TANGO6: variants seen among roughly 807,000 people sequenced by gnomAD.
TANGO6 encodes the protein transport and Golgi organization protein 6 homolog.
In TANGO6, 90 loss-of-function variants were observed where a neutral mutation model predicts 114.2. The observed-to-expected ratio is 0.79, with a 90% CI of 0.66 to 0.94. TANGO6 has a LOEUF of 0.94. Ranked by LOEUF, TANGO6 falls within the 40% of genes least tolerant of loss-of-function variation. The pLI, the probability that TANGO6 is intolerant of heterozygous loss-of-function variation, is 0.00. For synonymous variants in TANGO6, 477 were observed against 509.8 expected (o/e 0.94, Z 0.87); for missense variants, 1,274 against 1,315.3 (o/e 0.97, Z 0.49).
At chr16:69,080,325 C>T (rs1327515083) in intron 17 of TANGO6, among the ~76,000 whole-genome samples, 1 of 151,948 alleles carries the variant, frequency 6.6e-6, no homozygotes, top group Admixed American at 6.6e-5. Flanking sequence ...TGCCTGTAAT[C>T]CCTACCTCTG....
At chr16:68,923,800 A>ATTTGTTTTGTTTTGT (rs145246572) in intron 12 of TANGO6, among the ~76,000 whole-genome samples, 9 of 150,954 alleles carry the variant, frequency 6.0e-5, no homozygotes, top group East Asian at 2.0e-4. Flanking sequence ...AGGAGGCATG[A>ATTTGTTTTGTTTTGT]TTTGTTTTGT....
At chr16:69,053,399 G>A (rs1216878754) in intron 17 of TANGO6, among the ~76,000 whole-genome samples, 1 of 152,062 alleles carries the variant, frequency 6.6e-6, no homozygotes, top group African/African-American at 2.4e-5. Context: ...TTTCTCTAAA[G>A]TTAATAAATG....
chr16:69,059,352 G>A (rs935388010), intron 17 of TANGO6, among the ~76,000 whole-genome samples: 3 of 151,712 alleles, frequency 2.0e-5, no homozygotes, highest in South Asian at 2.1e-4. Context: ...GACTACAGGC[G>A]TGAGCCACCA....
chr16:68,967,893 C>T (rs1963661532), intron 14 of TANGO6, among the ~76,000 whole-genome samples: 1 of 152,052 alleles, frequency 6.6e-6, no homozygotes, highest in Non-Finnish European at 1.5e-5. Context: ...GTACACGACA[C>T]CCAAACTCCT....
chr16:69,008,885 T>G (rs1301110041), intron 15 of TANGO6, among the ~76,000 whole-genome samples: 1 of 151,702 alleles, frequency 6.6e-6, no homozygotes, highest in Non-Finnish European at 1.5e-5. Flanking sequence ...TCAGGTGACC[T>G]GCCCATCTCA....
At chr16:68,874,935 A>G (rs939047078) in intron 4 of TANGO6, among the ~76,000 whole-genome samples, 6 of 152,136 alleles carry the variant, frequency 3.9e-5, no homozygotes, top group African/African-American at 1.4e-4. Context: ...GGGTGACAGA[A>G]CAAGACTCCG....
chr16:69,043,019 G>A (rs1959796802), intron 17 of TANGO6, among the ~76,000 whole-genome samples: 1 of 152,146 alleles, frequency 6.6e-6, no homozygotes. Context: ...GAGCCCAAGA[G>A]TTCGAGAGAA....
chr16:68,993,149 T>G (rs1963960533), intron 15 of TANGO6, among the ~76,000 whole-genome samples: 1 of 152,180 alleles, frequency 6.6e-6, no homozygotes, highest in Admixed American at 6.5e-5. Context: ...ATATTGCAGT[T>G]CTTTTCTAAA....
intron 16 of TANGO6, among the ~76,000 whole-genome samples, chr16:69,024,863 G>A (rs867793057): frequency 2.6e-5 from 4 of 151,972 alleles, no homozygotes; most frequent in Non-Finnish European, 4.4e-5. Flanking sequence ...GCTGGAGTGC[G>A]GTGGTGCAGT....
intron 17 of TANGO6, among the ~76,000 whole-genome samples, chr16:69,075,165 CA>C (rs1960355664): frequency 6.6e-6 from 1 of 150,466 alleles, no homozygotes. Context: ...TTTTTCCTTC[CA>C]AAGTCTGCTT....
intron 15 of TANGO6, among the ~76,000 whole-genome samples, chr16:69,012,851 C>T (rs552540682): frequency 1.3e-5 from 2 of 152,156 alleles, no homozygotes; most frequent in African/African-American, 2.4e-5. Flanking sequence ...CGGAGCCTTA[C>T]GGTTCAAATA....
At chr16:68,908,968 T>C (rs561407247) in intron 10 of TANGO6, among the ~76,000 whole-genome samples, 5 of 152,364 alleles carry the variant, frequency 3.3e-5, no homozygotes, top group Admixed American at 1.3e-4. Context: ...TCTATCTATA[T>C]TGATACCCAT....
At chr16:69,027,647 T>C (rs1346509199) in intron 16 of TANGO6, among the ~76,000 whole-genome samples, 2 of 152,190 alleles carry the variant, frequency 1.3e-5, no homozygotes, top group African/African-American at 4.8e-5. Flanking sequence ...GTGTAACTTT[T>C]CTGGGTCAGA....
rs181489633 is a variant in TANGO6 at position 68,900,271 on chromosome 16, A to G, written c.1378-163A>G. On this transcript the variant is annotated intron_variant, in intron 7 of 17. Coordinates refer to ENST00000261778, the MANE Select transcript of TANGO6 (RefSeq NM_024562.2). ...GTTTCAGCCTGTCTGCCAAACTCAAATTGTTTCATTGCCATATCTGAGCAC... is the reference window on the plus strand; with the variant it reads ...GTTTCAGCCTGTCTGCCAAACTCAAGTTGTTTCATTGCCATATCTGAGCAC... The G allele has an allele frequency of 6.8e-3, 4,150 of 606,206 alleles. 25 individuals are homozygous for G. The highest frequency in any genetic ancestry group is 9.8e-3 in the Non-Finnish European group (3,349 of 340,330). 37.6% of individuals were successfully genotyped at this position (606,206 alleles called of 1,614,324 possible). A position where few individuals can be genotyped will look rare whatever the true frequency, so the allele number is the denominator to read the frequency against.
At chr16:69,057,765 A>AAAGT (rs1175144500) in intron 17 of TANGO6, among the ~76,000 whole-genome samples, 1 of 152,144 alleles carries the variant, frequency 6.6e-6, no homozygotes, top group Non-Finnish European at 1.5e-5. Flanking sequence ...CAGTGATGGG[A>AAAGT]AAGTGTTCAG....
chr16:68,995,709 T>C (rs1963984294), intron 15 of TANGO6, among the ~76,000 whole-genome samples: 1 of 152,200 alleles, frequency 6.6e-6, no homozygotes, highest in East Asian at 1.9e-4. Context: ...CCCTGTTATT[T>C]ATGCACCATT....
At chr16:68,893,919 A>C (rs1962668441) in intron 7 of TANGO6, among the ~76,000 whole-genome samples, 1 of 152,124 alleles carries the variant, frequency 6.6e-6, no homozygotes, top group Admixed American at 6.6e-5. Flanking sequence ...AGTCCAAGGA[A>C]ATCACACAAC....
At chr16:69,022,792 T>A (rs1393866913) in intron 15 of TANGO6, 36 bp from the exon 16 acceptor site, 7 of 1,546,296 alleles carry the variant, frequency 4.5e-6, no homozygotes, top group African/African-American at 1.4e-5. Flanking sequence ...TGAAATTTTG[T>A]TTTAAGGGGT....
chr16:68,977,323 T>C (rs1447919709), intron 15 of TANGO6, among the ~76,000 whole-genome samples: 1 of 151,188 alleles, frequency 6.6e-6, no homozygotes, highest in Non-Finnish European at 1.5e-5. Flanking sequence ...TTTTTTTTTT[T>C]CTTTTCTGAC....
Sources: allele counts gnomAD v4.1 joint callset (sites outside exome capture counted in the v4.1 genomes callset), GRCh38; gene constraint gnomAD v4.1.1; transcripts MANE v1.5; gene names NCBI Gene and HGNC (gene_info 2026-07-23, HGNC 2026-07-21).